Variants in RADX observed in about 807,000 individuals in gnomAD.
RADX encodes RPA-related protein RADX.
Under a neutral mutation model 61.6 loss-of-function variants are expected in RADX, and 36 were observed. The ratio of observed to expected loss-of-function variants is 0.58; its 90% CI spans 0.45 to 0.77. The LOEUF is 0.77. Among genes scored for constraint, RADX ranks in the 30% least tolerant of loss-of-function variants. The pLI is 0.00. For synonymous variants in RADX, 272 were observed against 237.9 expected (o/e 1.14, Z -1.32); for missense variants, 497 against 651.1 (o/e 0.76, Z 2.58).
chrX:106,626,763 AT>A (rs1342194356), intron 3 of RADX, among the ~76,000 whole-genome samples: 13 of 112,267 alleles, frequency 1.2e-4, no homozygotes, highest in Non-Finnish European at 1.9e-4. Flanking sequence ...TGGTGATAAT[AT>A]ATTTAAAATG....
At chrX:106,645,866 A>C (rs1927645863) in intron 10 of RADX, among the ~76,000 whole-genome samples, 1 of 111,227 alleles carries the variant, frequency 9.0e-6, no homozygotes, top group Admixed American at 9.6e-5. Context: ...GTCTCTAGCT[A>C]TTATTGTATT....
chrX:106,619,987 G>A (rs1419480795), intron 1 of RADX, among the ~76,000 whole-genome samples: 1 of 111,135 alleles, frequency 9.0e-6, no homozygotes, highest in Non-Finnish European at 1.9e-5. Context: ...TATGGTCCAG[G>A]GACCTCTAGT....
chrX:106,643,709 G>C (rs1034510571), intron 10 of RADX, among the ~76,000 whole-genome samples: 1 of 111,239 alleles, frequency 9.0e-6, no homozygotes, highest in African/African-American at 3.3e-5. Flanking sequence ...CTGTTGATAT[G>C]ATATATCACA....
rs148533008 is a variant in RADX at position 106,673,747 on chromosome X, C to T, written c.2438-4381C>T. ...AGTCCAGTTCAGCACTAGGACTCTCCTAGGAGCTGCAGTCCTTGTAGCCTA... is the reference window on the plus strand; with the variant it reads ...AGTCCAGTTCAGCACTAGGACTCTCTTAGGAGCTGCAGTCCTTGTAGCCTA... On this transcript the variant is annotated intron_variant, in intron 13 of 13. Coordinates refer to ENST00000372548, the MANE Select transcript of RADX (RefSeq NM_018015.6). 6.2e-3 allele frequency among the ~76,000 whole-genome samples: 659 copies of T among 106,694 alleles called. 4 individuals are homozygous for T. Among genetic ancestry groups the T allele is most frequent in the African/African-American group, 0.022 (625 of 28,968 alleles). The allele number at this position is 106,694 out of a possible 115,157, so 92.7% of individuals were successfully genotyped here. A position where few individuals can be genotyped will look rare whatever the true frequency, so the allele number is the denominator to read the frequency against.
At chrX:106,638,207 T>A (rs1014678052) in intron 8 of RADX, 1 of 206,968 alleles carries the variant, frequency 4.8e-6, no homozygotes, top group Non-Finnish European at 8.6e-6. Flanking sequence ...ACTGGAGATA[T>A]AGGTTGAGTA....
At chrX:106,675,456 A>G (rs1021992757) in intron 13 of RADX, among the ~76,000 whole-genome samples, 4 of 112,700 alleles carry the variant, frequency 3.5e-5, no homozygotes, top group African/African-American at 1.3e-4. Context: ...CTAAGCAGGA[A>G]AAAATGGCTT....
intron 1 of RADX, among the ~76,000 whole-genome samples, chrX:106,621,784 A>T (rs1926949732): frequency 9.0e-6 from 1 of 110,646 alleles, no homozygotes; most frequent in Non-Finnish European, 1.9e-5. Flanking sequence ...GGAGAAAGTC[A>T]TTTGGATATA....
At chrX:106,642,615 T>C (rs1454532033) in intron 10 of RADX, among the ~76,000 whole-genome samples, 1 of 111,819 alleles carries the variant, frequency 8.9e-6, no homozygotes, top group Non-Finnish European at 1.9e-5. Context: ...AGTACTCCAT[T>C]GGGTATATGT....
chrX:106,661,071 A>G (rs908404192), intron 11 of RADX, among the ~76,000 whole-genome samples: 4 of 111,444 alleles, frequency 3.6e-5, no homozygotes, highest in African/African-American at 9.8e-5. Flanking sequence ...AACCACCCCC[A>G]TGATCCAATC....
intron 10 of RADX, among the ~76,000 whole-genome samples, chrX:106,641,394 C>T (rs1333221848): frequency 9.0e-6 from 1 of 111,074 alleles, no homozygotes; most frequent in Non-Finnish European, 1.9e-5. Context: ...ATCTAAATTT[C>T]ATATGGATGT....
At position 106,612,622 on chromosome X, in the gene RADX, T is replaced by G. The variant is rs900747612; in HGVS notation, c.542T>G (p.Leu181Ter). The change falls in exon 1 of 14, where the codon TTA becomes TGA. Residue 181 changes from leucine (L) to a stop codon, truncating the protein, a stop_gained. Coordinates refer to ENST00000372548, the MANE Select transcript of RADX (RefSeq NM_018015.6). LOFTEE classifies it high-confidence loss of function. ...CACCAGGAGAAACCAGAGAGGCCTT[T>G]AAGAGGCGGGAAGAGTCATTACCTG... is the stretch of plus-strand genomic sequence containing the variant. ...RAHQEKPERP[L>*]RGGKSHYLAL... 1.6e-5 allele frequency: 19 copies of G among 1,211,005 alleles called. No individual in the cohort carries two copies. The highest frequency in any genetic ancestry group is 2.1e-5 in the Non-Finnish European group (19 of 895,170).
chrX:106,626,538 G>A (rs887079476), intron 3 of RADX, among the ~76,000 whole-genome samples: 1 of 111,681 alleles, frequency 9.0e-6, no homozygotes, highest in Non-Finnish European at 1.9e-5. Flanking sequence ...TTGGCAAGAG[G>A]ACGCTGATTT....
intron 11 of RADX, among the ~76,000 whole-genome samples, chrX:106,650,546 C>T (rs760666701): frequency 1.1e-4 from 12 of 110,068 alleles, no homozygotes; most frequent in Admixed American, 2.0e-4. Context: ...AAATACTAGG[C>T]CAATCAGAAA....
At chrX:106,666,895 A>C in intron 12 of RADX, among the ~76,000 whole-genome samples, 1 of 112,190 alleles carries the variant, frequency 8.9e-6, no homozygotes, top group Non-Finnish European at 1.9e-5. Flanking sequence ...TTATATTTGA[A>C]TGCTCTTGCA....
chrX:106,658,978 T>G (rs866543221), intron 11 of RADX, among the ~76,000 whole-genome samples: 1 of 94,876 alleles, frequency 1.1e-5, no homozygotes, highest in Non-Finnish European at 2.2e-5. Context: ...TTTTTTTTTT[T>G]GAGACAGAGT....
intron 11 of RADX, among the ~76,000 whole-genome samples, chrX:106,650,901 C>T (rs921778817): frequency 5.4e-5 from 6 of 111,097 alleles, no homozygotes; most frequent in Non-Finnish European, 1.1e-4. Context: ...GATGAAATCA[C>T]ACCAAAGAGT....
intron 10 of RADX, among the ~76,000 whole-genome samples, chrX:106,642,072 G>A (rs1034952736): frequency 9.1e-6 from 1 of 110,480 alleles, no homozygotes; most frequent in Admixed American, 9.6e-5. Context: ...ATAAGTAATA[G>A]GTAAAATTTT....
chrX:106,640,731 T>C lies in RADX; in HGVS notation c.1904+10T>C. 8.9e-7 allele frequency: 1 copy of C among 1,120,908 alleles called. No individual in the cohort carries two copies. The highest frequency in any genetic ancestry group is 1.8e-5 in the African/African-American group (1 of 55,145). The allele number at this position is 1,120,908 out of a possible 1,213,427, so 92.4% of individuals were successfully genotyped here. Reference sequence around the variant, plus strand: ...GCCCACACGCTAATCCGTAAGTCATTTGTATTAAGTATATGTAAAGTATAT... The same window carrying C: ...GCCCACACGCTAATCCGTAAGTCATCTGTATTAAGTATATGTAAAGTATAT... On this transcript the variant is annotated intron_variant, in intron 10 of 13. Transcript: ENST00000372548.
chrX:106,649,064 A>G (rs1439395480), intron 11 of RADX, among the ~76,000 whole-genome samples: 2 of 111,334 alleles, frequency 1.8e-5, no homozygotes, highest in African/African-American at 6.5e-5. Flanking sequence ...AGTCCATTCT[A>G]AACATTTTAA....
Sources: allele counts gnomAD v4.1 joint callset (sites outside exome capture counted in the v4.1 genomes callset), GRCh38; gene constraint gnomAD v4.1.1; transcripts MANE v1.5; gene names NCBI Gene and HGNC (gene_info 2026-07-23, HGNC 2026-07-21).